The following PREX2 variants were observed in gnomAD, a reference collection of about 807,000 sequenced individuals.
PREX2 encodes phosphatidylinositol 3,4,5-trisphosphate-dependent Rac exchanger 2 protein.
Under a neutral mutation model 203.2 loss-of-function variants are expected in PREX2, and 107 were observed. The ratio of observed to expected loss-of-function variants is 0.53; its 90% confidence interval spans 0.45 to 0.62. The LOEUF (loss-of-function observed/expected upper bound fraction) is 0.62. Ranked by LOEUF, PREX2 falls within the 20% of genes least tolerant of loss-of-function variation. PREX2 has a pLI of 0.00. For missense variants in PREX2, 1,777 were observed against 1,955.9 expected, an observed-to-expected ratio of 0.91 and a Z score of 1.72; for synonymous variants, 672 against 663.6, an observed-to-expected ratio of 1.01 and a Z score of -0.19.
Position 68,048,954 on chromosome 8 carries a change from C to T in PREX2, c.944-4143C>T, listed in dbSNP as rs149626974. Among the ~76,000 whole-genome samples, 521 of 151,766 alleles carry T rather than the reference C, an allele frequency of 3.4e-3. 4 individuals carry two copies. The highest frequency in any genetic ancestry group is 0.012 in the African/African-American group (504 of 41,458). Reference sequence around the variant, plus strand: ...GGATTGAGTATGTTCTTAATTAAAACGTAACAATGGCTTAACAATGTTGAA... The same window carrying T: ...GGATTGAGTATGTTCTTAATTAAAATGTAACAATGGCTTAACAATGTTGAA... On this transcript the variant is annotated intron_variant, in intron 8 of 39. Transcript: ENST00000288368.
chr8:68,071,625 A>G (rs1351462359), intron 13 of PREX2, among the ~76,000 whole-genome samples: 1 of 152,142 alleles, frequency 6.6e-6, no homozygotes, highest in Non-Finnish European at 1.5e-5. Context: ...TGATCATGAA[A>G]TTTGGTTGGT....
At position 67,996,174 on chromosome 8, in the gene PREX2, T is replaced by G. The variant is rs149782769; in HGVS notation, c.142-21672T>G. 3.5e-4 allele frequency among the ~76,000 whole-genome samples: 53 copies of G among 152,110 alleles called. No homozygotes were observed. In the East Asian group the frequency reaches 9.7e-3, roughly 28 times the overall value. On this transcript the variant is annotated intron_variant, in intron 1 of 39. Transcript: ENST00000288368. ...TTACCCATTTGAAAATATTGGGTAG[T>G]TTTTCTTTTTTCAGTATTAATTTTT... is the stretch of plus-strand genomic sequence containing the variant.
At chr8:68,057,803 GC>G (rs1469315779) in intron 10 of PREX2, among the ~76,000 whole-genome samples, 2 of 152,182 alleles carry the variant, frequency 1.3e-5, no homozygotes, top group Non-Finnish European at 2.9e-5. Flanking sequence ...TTGCAATGCT[GC>G]CTAGTTTAGC....
intron 33 of PREX2, among the ~76,000 whole-genome samples, chr8:68,143,747 T>C (rs78246553): frequency 0.24 from 35,742 of 152,082 alleles, 4,486 homozygotes; most frequent in East Asian, 0.38. Context: ...TGGTGTTCTT[T>C]CTGAAAGTCA....
intron 1 of PREX2, among the ~76,000 whole-genome samples, chr8:68,007,599 G>T (rs1239373525): frequency 6.6e-6 from 1 of 152,110 alleles, no homozygotes; most frequent in South Asian, 2.1e-4. Flanking sequence ...ATTGACACTC[G>T]ATGTACCAGT....
intron 18 of PREX2, 65 bp from the exon 19 acceptor site, chr8:68,087,659 C>T (rs928176828): frequency 1.5e-5 from 17 of 1,134,806 alleles, no homozygotes; most frequent in South Asian, 7.4e-5. Context: ...AAGCTGTACA[C>T]GACGATTATT....
intron 1 of PREX2, among the ~76,000 whole-genome samples, chr8:67,961,954 T>G (rs996871222): frequency 3.5e-4 from 53 of 152,182 alleles, no homozygotes; most frequent in Non-Finnish European, 6.9e-4. Context: ...GTATAGTACT[T>G]AAGAAATGAC....
At chr8:67,996,208 T>G (rs879905851) in intron 1 of PREX2, among the ~76,000 whole-genome samples, 3 of 152,142 alleles carry the variant, frequency 2.0e-5, no homozygotes, top group Non-Finnish European at 4.4e-5. Flanking sequence ...TTTATTTATT[T>G]TTTTGGAGAC....
chr8:68,080,713 C>T, intron 16 of PREX2, 33 bp from the exon 17 acceptor site: 1 of 1,484,774 alleles, frequency 6.7e-7, no homozygotes, highest in Non-Finnish European at 9.2e-7. Context: ...TTCATAGTTG[C>T]TTTATCAATA....
chr8:68,125,618 T>G (rs1810871599), intron 30 of PREX2, among the ~76,000 whole-genome samples: 1 of 152,110 alleles, frequency 6.6e-6, no homozygotes, highest in Admixed American at 6.6e-5. Context: ...ACCTCTGAGG[T>G]AAGTTATGGC....
chr8:67,998,284 T>G (rs1349404235), intron 1 of PREX2, among the ~76,000 whole-genome samples: 2 of 152,180 alleles, frequency 1.3e-5, no homozygotes, highest in African/African-American at 2.4e-5. Context: ...CTGCCTGGCC[T>G]CCAGTTTTTA....
chr8:68,187,578 GA>G lies in PREX2; in HGVS notation c.4347-4140del, dbSNP rs1181948794. Among the ~76,000 whole-genome samples, 7 of 152,238 alleles carry G rather than the reference GA, an allele frequency of 4.6e-5. No individual in the cohort carries two copies. The East Asian group carries it at 1.4e-3, about 29-fold the overall frequency. ...ATTCTAATATCCATTTTGAAAATAA[GA>G]AAACTGACCCTATGACAGGCTAAAT... On this transcript the variant is annotated intron_variant, in intron 35 of 39. Transcript: ENST00000288368.
intron 25 of PREX2, chr8:68,114,342 A>C (rs1293319404): frequency 8.0e-6 from 4 of 502,276 alleles, no homozygotes; most frequent in South Asian, 4.4e-5. Flanking sequence ...CAAACATTAC[A>C]TTGCTATGGA....
intron 11 of PREX2, among the ~76,000 whole-genome samples, chr8:68,066,765 T>C (rs1809026703): frequency 1.3e-5 from 2 of 152,136 alleles, no homozygotes; most frequent in African/African-American, 4.8e-5. Flanking sequence ...TTGCCTTTGT[T>C]GCCCGTACTT....
At chr8:68,007,621 T>A (rs146351082) in intron 1 of PREX2, among the ~76,000 whole-genome samples, 292 of 152,356 alleles carry the variant, frequency 1.9e-3, no homozygotes, top group African/African-American at 6.5e-3. Context: ...ACTTTTTTTT[T>A]ATTTTTGAGA....
At position 68,080,458 on chromosome 8, in the gene PREX2, A is replaced by T; in HGVS notation, c.1658A>T (p.Glu553Val). 1 of 1,611,528 alleles carries T rather than the reference A, an allele frequency of 6.2e-7. No individual in the cohort carries two copies. The highest frequency in any genetic ancestry group is 1.1e-5 in the South Asian group (1 of 89,944). ...GFMHHVLEKS[E>V]FKDEPLLFRF... ...TTTTCTGTAGTCCTTGAAAAAAGCG[A>T]ATTCAAAGATGAACCCCTACTTTTC... Residue 553 changes from glutamate to valine, a missense_variant, in exon 16 of 40, where the codon GAA becomes GTA. Glu to Val is a moderately radical substitution (Grantham distance 121). Transcript: ENST00000288368.
chr8:68,026,969 C>G (rs767503261), intron 4 of PREX2, among the ~76,000 whole-genome samples: 1 of 152,088 alleles, frequency 6.6e-6, no homozygotes, highest in Non-Finnish European at 1.5e-5. Context: ...TTTCCCATCT[C>G]TTTTTCCTCA....
chr8:68,066,616 GC>G (rs1394331597), intron 11 of PREX2, among the ~76,000 whole-genome samples: 1 of 151,852 alleles, frequency 6.6e-6, no homozygotes. Context: ...TTGAATATTT[GC>G]CTCCTACTGA....
In PREX2 at chr8:68,087,725, A is replaced by G; in HGVS notation, c.2029A>G (p.Thr677Ala). The part of the protein sequence containing the change: ...RVLVSTKPRE[T>A]VKIPDSADGL... ...TACCTTATTTTCTGATTGATTTAGG[A>G]CAGTGAAAATTCCAGATTCAGCTGA... Residue 677 changes from threonine to alanine, a missense_variant and splice_region_variant, in exon 19 of 40, where the codon ACA becomes GCA. Coordinates refer to ENST00000288368, the MANE Select transcript of PREX2 (RefSeq NM_024870.4). 6.2e-7 allele frequency: 1 copy of G among 1,610,528 alleles called. No homozygotes were observed. Among genetic ancestry groups the G allele is most frequent in the Non-Finnish European group, 8.5e-7 (1 of 1,176,738 alleles).
Sources: allele counts gnomAD v4.1 joint callset (sites outside exome capture counted in the v4.1 genomes callset), GRCh38; gene constraint gnomAD v4.1.1; transcripts MANE v1.5; gene names NCBI Gene and HGNC (gene_info 2026-07-23, HGNC 2026-07-21).